The following PLOD2 variants were observed in gnomAD, a reference collection of about 807,000 sequenced individuals.
PLOD2 encodes the protein lysine hydroxylase 2.
In PLOD2, 65 loss-of-function variants were observed where a neutral mutation model predicts 101.0. The ratio of observed to expected loss-of-function variants is 0.64; its 90% CI spans 0.53 to 0.79. PLOD2 has a LOEUF of 0.79. Among genes scored for constraint, PLOD2 ranks in the 30% least tolerant of loss-of-function variants. The pLI is 0.00. For synonymous variants in PLOD2, 314 were observed against 302.9 expected (o/e 1.04, Z -0.38); for missense variants, 909 against 914.6 (o/e 0.99, Z 0.08).
intron 1 of PLOD2, among the ~76,000 whole-genome samples, chr3:146,134,873 T>C (rs2031137848): frequency 6.6e-6 from 1 of 152,166 alleles, no homozygotes; most frequent in Non-Finnish European, 1.5e-5. Flanking sequence ...CATTTTATTC[T>C]TCATAACGGA....
intron 3 of PLOD2, among the ~76,000 whole-genome samples, chr3:146,119,650 A>T (rs990120965): frequency 6.7e-4 from 101 of 150,338 alleles, no homozygotes; most frequent in African/African-American, 2.3e-3. Flanking sequence ...TGTCCATGTG[A>T]TCTCATTGTT....
intron 1 of PLOD2, among the ~76,000 whole-genome samples, chr3:146,151,404 G>A (rs550655554): frequency 5.9e-5 from 9 of 152,234 alleles, no homozygotes; most frequent in Non-Finnish European, 1.2e-4. Flanking sequence ...GGCTGAGGCA[G>A]AAGAATCGCT....
intron 16 of PLOD2, 136 bp downstream of exon 16, chr3:146,073,151 C>T (rs180744838): frequency 3.8e-6 from 2 of 526,890 alleles, no homozygotes; most frequent in Non-Finnish European, 7.0e-6. Context: ...GCTATTTAAT[C>T]AGTAATTGAA....
chr3:146,122,635 A>G (rs769703615), intron 2 of PLOD2, among the ~76,000 whole-genome samples: 3 of 152,156 alleles, frequency 2.0e-5, no homozygotes, highest in Non-Finnish European at 4.4e-5. Context: ...TCTGGGGTCC[A>G]CACTTTGGGA....
chr3:146,090,542 AG>A (rs940675762), intron 8 of PLOD2, among the ~76,000 whole-genome samples: 13 of 151,818 alleles, frequency 8.6e-5, no homozygotes, highest in African/African-American at 2.4e-4. Flanking sequence ...CGGCAAAAAA[AG>A]ATCAGGATAA....
intron 1 of PLOD2, among the ~76,000 whole-genome samples, chr3:146,140,623 C>A (rs570147602): frequency 6.6e-6 from 1 of 152,126 alleles, no homozygotes; most frequent in African/African-American, 2.4e-5. Context: ...AGGATCAGTT[C>A]CTGAAAATTC....
chr3:146,126,351 G>A (rs1299176974), intron 1 of PLOD2, among the ~76,000 whole-genome samples: 1 of 109,260 alleles, frequency 9.2e-6, no homozygotes, highest in East Asian at 2.9e-4. Flanking sequence ...ATCTTAGTTG[G>A]AGAAAAAAAA....
chr3:146,117,743 G>A (rs1325058039), intron 3 of PLOD2, among the ~76,000 whole-genome samples: 1 of 152,080 alleles, frequency 6.6e-6, no homozygotes, highest in Non-Finnish European at 1.5e-5. Flanking sequence ...AACACTAACA[G>A]TGCCTGGAAG....
intron 8 of PLOD2, 115 bp downstream of exon 8, chr3:146,091,685 T>G (rs1936972672): frequency 1.5e-6 from 1 of 686,758 alleles, no homozygotes; most frequent in Non-Finnish European, 2.7e-6. Flanking sequence ...ATATCCCCAT[T>G]ATCTATCATA....
chr3:146,114,380 C>A (rs998114540), intron 3 of PLOD2, among the ~76,000 whole-genome samples: 3 of 151,966 alleles, frequency 2.0e-5, no homozygotes, highest in African/African-American at 7.2e-5. Context: ...CTTATAGCAG[C>A]GTGAAAATGG....
At chr3:146,111,443 A>C (rs1937631120) in intron 3 of PLOD2, among the ~76,000 whole-genome samples, 1 of 152,166 alleles carries the variant, frequency 6.6e-6, no homozygotes, top group African/African-American at 2.4e-5. Flanking sequence ...TTAAGTGTAA[A>C]GTATAAAATG....
intron 8 of PLOD2, among the ~76,000 whole-genome samples, chr3:146,089,408 C>A (rs1295727529): frequency 1.3e-5 from 2 of 151,396 alleles, no homozygotes; most frequent in East Asian, 3.9e-4. Flanking sequence ...AATGAAAGTT[C>A]CTGGCTTGAA....
intron 3 of PLOD2, among the ~76,000 whole-genome samples, chr3:146,116,685 A>T (rs1013345465): frequency 1.3e-5 from 2 of 152,162 alleles, no homozygotes; most frequent in Non-Finnish European, 2.9e-5. Flanking sequence ...TGTTATTTGC[A>T]ACAATAAAAT....
At chr3:146,156,909 C>A (rs767107192) in intron 1 of PLOD2, among the ~76,000 whole-genome samples, 31 of 152,194 alleles carry the variant, frequency 2.0e-4, no homozygotes, top group Non-Finnish European at 4.4e-4. Flanking sequence ...ATCTCCATTT[C>A]ACCACCAATA....
intron 2 of PLOD2, 101 bp downstream of exon 2, chr3:146,124,037 T>C (rs1316583443): frequency 1.4e-6 from 1 of 729,744 alleles, no homozygotes; most frequent in African/African-American, 1.7e-5. Flanking sequence ...TGTAACCAAA[T>C]GCTATCTTCC....
chr3:146,106,504 A>G lies in PLOD2; in HGVS notation c.615+28T>C, dbSNP rs1185000451. 3.8e-6 allele frequency: 4 copies of G among 1,055,540 alleles called. No individual in the cohort carries two copies. In the South Asian group the frequency reaches 5.0e-5, roughly 13 times the overall value. The allele number at this position is 1,055,540 out of a possible 1,614,324, so 65.4% of individuals were successfully genotyped here. A position where few individuals can be genotyped will look rare whatever the true frequency, so the allele number is the denominator to read the frequency against. ...AACACACAAAACAACCAAATCAATA[A>G]AACAAAAAAATTGCAGCTGTTACAC... On this transcript the variant is annotated intron_variant, in intron 5 of 19. Coordinates refer to ENST00000282903, the MANE Select transcript of PLOD2 (RefSeq NM_182943.3).
In PLOD2 at chr3:146,161,153, G is replaced by C. The variant is rs371935502; in HGVS notation, c.-164C>G. 4.8e-6 allele frequency: 2 copies of C among 414,990 alleles called. No individual in the cohort carries two copies. The highest frequency in any genetic ancestry group is 2.1e-5 in the African/African-American group (1 of 47,232). The allele number at this position is 414,990 out of a possible 1,614,324, so 25.7% of individuals were successfully genotyped here. A position where few individuals can be genotyped will look rare whatever the true frequency, so the allele number is the denominator to read the frequency against. ...AGCCGGAGCGGCGCGTAACGCAGCT[G>C]AGTGAGGTCGTCGGTGGAGGCACGG... On this transcript the variant is annotated 5_prime_UTR_variant, in exon 1 of 20. Transcript: ENST00000282903.
chr3:146,073,698 C>T (rs1477286309), intron 15 of PLOD2: 1 of 153,760 alleles, frequency 6.5e-6, no homozygotes, highest in African/African-American at 2.4e-5. Context: ...CACACAGTAC[C>T]CCGATAAATC....
chr3:146,096,788 G>T (rs1407470438), intron 7 of PLOD2, among the ~76,000 whole-genome samples: 1 of 146,978 alleles, frequency 6.8e-6, no homozygotes, highest in Non-Finnish European at 1.5e-5. Flanking sequence ...CAGCCACCCC[G>T]TCCGGGAGGT....
Sources: allele counts gnomAD v4.1 joint callset (sites outside exome capture counted in the v4.1 genomes callset), GRCh38; gene constraint gnomAD v4.1.1; transcripts MANE v1.5; gene names NCBI Gene and HGNC (gene_info 2026-07-23, HGNC 2026-07-21).